RAB13: variants seen among roughly 807,000 people sequenced by gnomAD.
RAB13 encodes the protein RAB13, member RAS oncogene family.
A neutral mutation model predicts 29.3 loss-of-function variants in RAB13; 15 were observed. That is an observed-to-expected ratio of 0.51 (90% CI 0.34 to 0.79). RAB13 has a LOEUF of 0.79. Ranked by LOEUF, RAB13 falls within the 30% of genes least tolerant of loss-of-function variation. The probability of loss-of-function intolerance (pLI) is 0.01; values close to 1 mark genes in which losing one functional copy is unlikely to be tolerated. For missense variants in RAB13, 186 were observed against 255.5 expected (o/e 0.73, Z 1.85); for synonymous variants, 82 against 93.8 (o/e 0.87, Z 0.73).
At chr1:153,987,774 CA>C (rs60689643), upstream of RAB13, among the ~76,000 whole-genome samples, 15,903 of 54,098 alleles carry the variant, frequency 0.29, 1,286 homozygotes, top group East Asian at 0.54. Context: ...ACTGCTTCGA[CA>C]AAAAAAAAAA....
At chr1:153,983,613 T>C (rs1035655806) in intron 2 of RAB13, 32 bp from the exon 3 acceptor site, 5 of 1,549,284 alleles carry the variant, frequency 3.2e-6, no homozygotes, top group Admixed American at 3.4e-5. Flanking sequence ...TGGGATGGAA[T>C]AGAGGGAAGA....
rs1649030707 is a variant in RAB13, at chr1:153,982,780, A to C, written c.353T>G (p.Leu118Trp). Residue 118 changes from leucine (L) to tryptophan (W), a missense_variant, in exon 5 of 8, where the codon TTG becomes TGG. Leu to Trp is a moderately conservative substitution (Grantham distance 61). Coordinates refer to ENST00000368575, the MANE Select transcript of RAB13 (RefSeq NM_002870.5). ...ENASAGVERL[L>W]LGNKCDMEAK... ...CTCCATGTCACATTTGTTCCCCAGC[A>C]AGAGGCGCTCCACCCCAGCCGAGGC... The C allele has an allele frequency of 1.2e-6, 2 of 1,613,996 alleles. No homozygotes were observed.
chr1:153,986,007 G>T, intron 1 of RAB13, 106 bp downstream of exon 1: 1 of 1,526,784 alleles, frequency 6.5e-7, no homozygotes. Flanking sequence ...CTAGAATTTA[G>T]GAGCCTTACT....
rs757976221 is a variant in RAB13 at position 153,983,169 on chromosome 1, C to T, written c.324+50G>A. The T allele has an allele frequency of 5.4e-5, 82 of 1,508,566 alleles. No homozygotes were observed. The South Asian group carries it at 7.3e-4, about 13-fold the overall frequency. 93.4% of individuals were successfully genotyped at this position (1,508,566 alleles called of 1,614,324 possible). A position where few individuals can be genotyped will look rare whatever the true frequency, so the allele number is the denominator to read the frequency against. On this transcript the variant is annotated intron_variant, in intron 4 of 7. Transcript: ENST00000368575. ...TCTTGCCTATCCTGATGGACCCCTTCATTCTCCAGGTTCTAACCAGTTTCC... is the reference window on the plus strand; with the variant it reads ...TCTTGCCTATCCTGATGGACCCCTTTATTCTCCAGGTTCTAACCAGTTTCC...
intron 1 of RAB13, among the ~76,000 whole-genome samples, chr1:153,985,745 T>C (rs540601549): frequency 6.6e-6 from 1 of 151,516 alleles, no homozygotes; most frequent in East Asian, 1.9e-4. Context: ...GAGAAAAAGA[T>C]GTGGCGGACA....
Position 153,983,295 on chromosome 1 carries a change from C to A in RAB13, c.248G>T (p.Gly83Val). The change falls in exon 4 of 8, where the codon GGC becomes GTC. Residue 83 changes from glycine (G) to valine (V), a missense_variant and splice_region_variant. Physicochemically the swap from Gly to Val is moderately radical, Grantham distance 109. Transcript: ENST00000368575. ...ITTAYYRGAMGIILVYDITDE... is the reference protein window; with the variant it reads ...ITTAYYRGAMVIILVYDITDE... ...CGTGATGTCGTATACTAGGATAATG[C>A]CCTGGGAGATGACAAAATTCACCTT... 1 of 1,613,472 alleles carries A rather than the reference C, an allele frequency of 6.2e-7. No individual in the cohort carries two copies. Among genetic ancestry groups the A allele is most frequent in the Non-Finnish European group, 8.5e-7 (1 of 1,179,478 alleles).
chr1:153,988,315 C>T (rs1322569988), upstream of RAB13, among the ~76,000 whole-genome samples: 2 of 101,306 alleles, frequency 2.0e-5, no homozygotes, highest in African/African-American at 7.9e-5. Context: ...TTTTTTGAGA[C>T]GGAGTCTTGC....
chr1:153,983,576 G>A lies in RAB13; in HGVS notation c.191C>T (p.Thr64Met), dbSNP rs967850994. Residue 64 changes from threonine (T) to methionine (M), a missense_variant, in exon 3 of 8, where the codon ACG becomes ATG. Thr to Met is a moderately conservative substitution (Grantham distance 81). Coordinates refer to ENST00000368575, the MANE Select transcript of RAB13 (RefSeq NM_002870.5). ...GKKIKLQVWDTAGQERFKTIT... is the reference protein window; with the variant it reads ...GKKIKLQVWDMAGQERFKTIT... The stretch of plus-strand genomic sequence containing the variant: ...TGTCTTGAACCGCTCTTGGCCAGCC[G>A]TGTCCCTAAAGAAGGAGAAGTTTTC... The A allele has an allele frequency of 6.2e-6, 10 of 1,608,600 alleles. No homozygotes were observed. Among genetic ancestry groups the A allele is most frequent in the South Asian group, 1.1e-5 (1 of 90,970 alleles).
chr1:153,984,695 C>CG, intron 2 of RAB13, 26 bp downstream of exon 2: 1 of 1,596,366 alleles, frequency 6.3e-7, no homozygotes, highest in Non-Finnish European at 8.6e-7. Flanking sequence ...GGAAGTCTGG[C>CG]GAGGCATCCC....
intron 2 of RAB13, among the ~76,000 whole-genome samples, chr1:153,983,933 T>C (rs1280515455): frequency 6.6e-6 from 1 of 152,018 alleles, no homozygotes; most frequent in South Asian, 2.1e-4. Flanking sequence ...TCCCAACACT[T>C]TGGGAGGCTG....
upstream of RAB13, chr1:153,986,475 C>A (rs764157211): frequency 7.7e-6 from 4 of 517,322 alleles, no homozygotes; most frequent in Non-Finnish European, 1.4e-5. Flanking sequence ...GTTTTCCCTT[C>A]CTAGCTTAGG....
chr1:153,983,888 G>A (rs1040694606), intron 2 of RAB13, among the ~76,000 whole-genome samples: 23 of 152,170 alleles, frequency 1.5e-4, no homozygotes, highest in Admixed American at 1.5e-3. Flanking sequence ...TTAAAAATGA[G>A]GAAACACGCC....
At chr1:153,986,408 C>G (rs1442961896), upstream of RAB13, 1 of 612,198 alleles carries the variant, frequency 1.6e-6, no homozygotes, top group East Asian at 2.8e-5. Context: ...GCTCCACCCC[C>G]TGCCCGCCCA....
At chr1:153,985,975 G>T (rs1649154113) in intron 1 of RAB13, 138 bp downstream of exon 1, 1 of 1,441,836 alleles carries the variant, frequency 6.9e-7, no homozygotes, top group Non-Finnish European at 9.3e-7. Flanking sequence ...CGGGGGAAGG[G>T]TCAGAGCCAG....
At position 153,984,787 on chromosome 1, in the gene RAB13, G is replaced by A. The variant is rs368638055; in HGVS notation, c.125-6C>T. 1 of 1,611,648 alleles carries A rather than the reference G, an allele frequency of 6.2e-7. No homozygotes were observed. The highest frequency in any genetic ancestry group is 1.7e-5 in the Admixed American group (1 of 59,580). ...GCGGATCTTGAAATCAATTCCTAGG[G>A]GTGGAAGGTATGCACTGAAGTTGAG... On this transcript the variant is annotated splice_polypyrimidine_tract_variant and splice_region_variant and intron_variant, in intron 1 of 7. Transcript: ENST00000368575.
chr1:153,984,787 G>T lies in RAB13; in HGVS notation c.125-6C>A. 6.2e-7 allele frequency: 1 copy of T among 1,611,648 alleles called. No homozygotes were observed. The highest frequency in any genetic ancestry group is 2.2e-5 in the East Asian group (1 of 44,828). On this transcript the variant is annotated splice_polypyrimidine_tract_variant and splice_region_variant and intron_variant, in intron 1 of 7. Transcript: ENST00000368575. Reference sequence around the variant, plus strand: ...GCGGATCTTGAAATCAATTCCTAGGGGTGGAAGGTATGCACTGAAGTTGAG... The same window carrying T: ...GCGGATCTTGAAATCAATTCCTAGGTGTGGAAGGTATGCACTGAAGTTGAG...
At chr1:153,989,744 T>C (rs1166871824), upstream of RAB13, among the ~76,000 whole-genome samples, 153 of 151,556 alleles carry the variant, frequency 1.0e-3, 3 homozygotes, top group East Asian at 1.0e-3. Flanking sequence ...AATACAAAAT[T>C]AGCCGGGCAT....
chr1:153,990,697 C>G (rs773665768), upstream of RAB13: 135 of 1,509,262 alleles, frequency 8.9e-5, no homozygotes, highest in African/African-American at 1.6e-3. Context: ...AACATGGTGG[C>G]ACAAGATCCT....
At position 153,983,427 on chromosome 1, in the gene RAB13, C is replaced by T. The variant is rs1571128206; in HGVS notation, c.246+94G>A. Reference sequence around the variant, plus strand: ...CCTCTGCAACCCACACTGCACCCCTCCCATTTTTACCTGCCCCAACCCCTG... The same window carrying T: ...CCTCTGCAACCCACACTGCACCCCTTCCATTTTTACCTGCCCCAACCCCTG... On this transcript the variant is annotated intron_variant, in intron 3 of 7. Transcript: ENST00000368575. 2.7e-6 allele frequency: 4 copies of T among 1,484,698 alleles called. No homozygotes were observed. The East Asian group carries it at 9.0e-5, about 34-fold the overall frequency. The allele number at this position is 1,484,698 out of a possible 1,614,324, so 92.0% of individuals were successfully genotyped here.
Sources: gnomAD v4.1 joint callset for allele counts (sites outside exome capture counted in the v4.1 genomes callset) on GRCh38, gnomAD v4.1.1 for gene constraint, MANE v1.5 for transcripts, NCBI Gene and HGNC (gene_info 2026-07-23, HGNC 2026-07-21) for gene names.